Variants in LINGO2 observed in about 807,000 individuals in gnomAD.
LINGO2 encodes leucine rich repeat and Ig domain containing 2, also known as leucine-rich repeat and immunoglobulin-like domain-containing nogo receptor-interacting protein 2.
A neutral mutation model predicts 30.6 loss-of-function variants in LINGO2; 14 were observed. That is an observed-to-expected ratio of 0.46 (90% CI 0.30 to 0.72). The LOEUF is 0.72. Ranked by LOEUF, LINGO2 falls within the 30% of genes least tolerant of loss-of-function variation. The probability of loss-of-function intolerance (pLI) is 0.07; values close to 1 mark genes in which losing one functional copy is unlikely to be tolerated. For missense variants in LINGO2, 729 were observed against 751.7 expected (o/e 0.97, Z 0.35); for synonymous variants, 317 against 288.5 (o/e 1.10, Z -1.00).
chr9:27,949,694 G>T lies in LINGO2; in HGVS notation c.978C>A (p.Leu326=), dbSNP rs1411131751. 5.6e-6 allele frequency: 9 copies of T among 1,614,100 alleles called. No homozygotes were observed. In the East Asian group the frequency reaches 1.8e-4, roughly 32 times the overall value. Residue 326 remains leucine, a synonymous_variant, in exon 6 of 6, where the codon CTC becomes CTA. Coordinates refer to ENST00000379992, the Ensembl canonical transcript of LINGO2. The stretch of plus-strand genomic sequence containing the variant: ...TTTCCAGCAGGTTCTGAGACACATT[G>T]AGCACGCGTAGGAAGCGGAGCCCTT...
At chr9:28,597,952 A>G (rs1825269949) in intron 1 of LINGO2, among the ~76,000 whole-genome samples, 3 of 152,076 alleles carry the variant, frequency 2.0e-5, no homozygotes, top group East Asian at 1.9e-4. Flanking sequence ...TTTAGTAGAG[A>G]AGGGGCTTCA....
chr9:27,978,086 C>T (rs1820688847), intron 5 of LINGO2, among the ~76,000 whole-genome samples: 1 of 152,036 alleles, frequency 6.6e-6, no homozygotes, highest in South Asian at 2.1e-4. Flanking sequence ...CTCGGACCTG[C>T]TTATACTGTG....
At position 28,266,275 on chromosome 9, in the gene LINGO2, C is replaced by T. The variant is rs80125537; in HGVS notation, c.-87+28933G>A. Among the ~76,000 whole-genome samples, 1,312 of 152,044 alleles carry T rather than the reference C, an allele frequency of 8.6e-3. 15 individuals are homozygous for T. Among genetic ancestry groups the T allele is most frequent in the South Asian group, 0.027 (130 of 4,826 alleles). ...AGGAAGTTGTCATCCAAATGTAGCA[C>T]ATTACTTGAATAGTATAATGTTTCA... On this transcript the variant is annotated intron_variant, in intron 4 of 5. Coordinates refer to ENST00000379992, the Ensembl canonical transcript of LINGO2.
intron 4 of LINGO2, among the ~76,000 whole-genome samples, chr9:28,089,603 G>C (rs573549819): frequency 6.6e-6 from 1 of 152,120 alleles, no homozygotes; most frequent in African/African-American, 2.4e-5. Flanking sequence ...AGGCCCACAA[G>C]AGAAAGCAGG....
At chr9:28,436,553 G>A (rs1823940604) in intron 2 of LINGO2, among the ~76,000 whole-genome samples, 1 of 151,954 alleles carries the variant, frequency 6.6e-6, no homozygotes, top group African/African-American at 2.4e-5. Flanking sequence ...CGCCTCCCGG[G>A]TTCACGCCAT....
At chr9:28,473,411 T>A (rs545815331) in intron 2 of LINGO2, among the ~76,000 whole-genome samples, 283 of 150,550 alleles carry the variant, frequency 1.9e-3, no homozygotes, top group Middle Eastern at 0.014. Flanking sequence ...TCTCTCTCTC[T>A]CACACACACA....
At chr9:28,967,807 T>G in the LINGO2 span, among the ~76,000 whole-genome samples, 1 of 152,218 alleles carries the variant, frequency 6.6e-6, no homozygotes. Context: ...GCATACAATC[T>G]ATTTCTTCTC....
At chr9:28,294,242 G>GTAAA (rs1166885513) in intron 4 of LINGO2, among the ~76,000 whole-genome samples, 5 of 152,234 alleles carry the variant, frequency 3.3e-5, no homozygotes, top group African/African-American at 1.2e-4. Flanking sequence ...TTTACTGACT[G>GTAAA]AGTTCCGTTT....
chr9:28,167,149 C>A (rs558241889), intron 4 of LINGO2, among the ~76,000 whole-genome samples: 28 of 141,886 alleles, frequency 2.0e-4, no homozygotes, highest in Admixed American at 7.0e-4. Context: ...ACCCCCCCCC[C>A]CCACTTTTCT....
the LINGO2 span, among the ~76,000 whole-genome samples, chr9:28,754,005 T>C: frequency 4.6e-5 from 5 of 109,742 alleles, no homozygotes. Flanking sequence ...TAAATGAGAA[T>C]ACACACACAC....
chr9:28,016,623 A>T (rs960698062), intron 4 of LINGO2, among the ~76,000 whole-genome samples: 4 of 149,896 alleles, frequency 2.7e-5, no homozygotes, highest in Non-Finnish European at 4.4e-5. Context: ...ACCTCCCAAG[A>T]CTGAACCAGG....
chr9:28,349,799 T>C (rs1248351787), intron 3 of LINGO2, among the ~76,000 whole-genome samples: 4 of 151,828 alleles, frequency 2.6e-5, no homozygotes, highest in African/African-American at 7.3e-5. Context: ...ACAGCGGATC[T>C]CTCGGCAGAA....
chr9:28,007,043 T>C lies in LINGO2; in HGVS notation c.-36+5312A>G, dbSNP rs190630414. ...TGACTAGCAATGGGGCAATCTTGTG[T>C]TTCACTAGTCTGTTAGTTTGCTTTT... On this transcript the variant is annotated intron_variant, in intron 5 of 5. Transcript: ENST00000379992. Among the ~76,000 whole-genome samples the C allele has an allele frequency of 3.3e-5, 5 of 152,286 alleles. No individual in the cohort carries two copies. The East Asian group carries it at 7.7e-4, about 24-fold the overall frequency.
At chr9:28,224,226 A>G (rs1320201775) in intron 4 of LINGO2, among the ~76,000 whole-genome samples, 2 of 151,984 alleles carry the variant, frequency 1.3e-5, no homozygotes, top group South Asian at 2.1e-4. Context: ...CACCATGCCC[A>G]GTTAATTTTT....
At chr9:28,050,076 GGCTTT>G (rs1295350736) in intron 4 of LINGO2, among the ~76,000 whole-genome samples, 1 of 150,628 alleles carries the variant, frequency 6.6e-6, no homozygotes, top group African/African-American at 2.5e-5. Flanking sequence ...AAAAAGGTAG[GGCTTT>G]GTGATTAGAT....
At chr9:28,848,397 G>GTGTGTGTGTATATATATATA in the LINGO2 span, among the ~76,000 whole-genome samples, 1 of 48,420 alleles carries the variant, frequency 2.1e-5, no homozygotes, top group African/African-American at 7.2e-5. Context: ...GTGTGTGTGT[G>GTGTGTGTGTATATATATATA]TATATATATA....
chr9:29,011,696 C>T, the LINGO2 span, among the ~76,000 whole-genome samples: 2 of 152,174 alleles, frequency 1.3e-5, no homozygotes, highest in Non-Finnish European at 2.9e-5. Flanking sequence ...TATCATCCAT[C>T]ATCTACATTG....
intron 1 of LINGO2, among the ~76,000 whole-genome samples, chr9:28,506,412 ATATATATATACAC>A (rs1564250408): frequency 0.42 from 26,563 of 63,574 alleles, 5,142 homozygotes; most frequent in Non-Finnish European, 0.44. Context: ...ATATATATAT[ATATATATATACAC>A]ACACACACAC....
the LINGO2 span, among the ~76,000 whole-genome samples, chr9:28,809,141 G>A: frequency 0.51 from 77,774 of 152,054 alleles, 20,599 homozygotes; most frequent in Middle Eastern, 0.66. Flanking sequence ...AGAAAAAGAC[G>A]TTGGTCCATG....
Sources: allele counts gnomAD v4.1 joint callset (sites outside exome capture counted in the v4.1 genomes callset), GRCh38; gene constraint gnomAD v4.1.1; transcripts MANE v1.5; gene names NCBI Gene and HGNC (gene_info 2026-07-23, HGNC 2026-07-21).